CPLANE1: variants seen among roughly 807,000 people sequenced by gnomAD.
CPLANE1 encodes ciliogenesis and planar polarity effector 1.
In CPLANE1, 263 loss-of-function variants were observed where a neutral mutation model predicts 362.5. The ratio of observed to expected loss-of-function variants is 0.73; its 90% CI spans 0.66 to 0.80. The LOEUF (loss-of-function observed/expected upper bound fraction) is 0.80, where lower values mean the gene tolerates loss of function less well. CPLANE1 is among the 30% of genes least tolerant of loss of function. CPLANE1 has a pLI of 0.00. For missense variants in CPLANE1, 3,461 were observed against 3,793.4 expected (o/e 0.91, Z 2.30); for synonymous variants, 1,212 against 1,302.6 (o/e 0.93, Z 1.50).
chr5:37,225,244 G>T (rs2150409821), intron 12 of CPLANE1, among the ~76,000 whole-genome samples: 1 of 151,750 alleles, frequency 6.6e-6, no homozygotes, highest in Admixed American at 6.6e-5. Flanking sequence ...TGGGACCACA[G>T]GTGCACCACA....
chr5:37,142,070 A>G (rs1354781258), intron 44 of CPLANE1: 9 of 936,104 alleles, frequency 9.6e-6, no homozygotes, highest in Non-Finnish European at 1.1e-5. Flanking sequence ...CAGTTGCTAT[A>G]TATTTCATAT....
intron 29 of CPLANE1, 65 bp from the exon 30 acceptor site, chr5:37,177,765 A>ATT (rs1014428830): frequency 1.6e-6 from 2 of 1,260,594 alleles, no homozygotes; most frequent in African/African-American, 3.0e-5. Flanking sequence ...TGTCTTGAGT[A>ATT]TTTTGAGTCT....
At chr5:37,175,572 T>C (rs1020977604) in intron 31 of CPLANE1, among the ~76,000 whole-genome samples, 1 of 152,218 alleles carries the variant, frequency 6.6e-6, no homozygotes, top group Non-Finnish European at 1.5e-5. Flanking sequence ...GTGAGAGAAT[T>C]AAAAGCATTT....
intron 44 of CPLANE1, chr5:37,141,552 T>G: frequency 2.1e-6 from 2 of 974,660 alleles, no homozygotes; most frequent in Non-Finnish European, 2.4e-6. Flanking sequence ...GGTTTTCTTT[T>G]ATTTAAGTAA....
At chr5:37,123,694 C>T (rs1259364813) in intron 47 of CPLANE1, among the ~76,000 whole-genome samples, 1 of 152,034 alleles carries the variant, frequency 6.6e-6, no homozygotes, top group Non-Finnish European at 1.5e-5. Context: ...TTTTCATTTT[C>T]TTATTTTTTT....
chr5:37,210,355 G>A (rs553855749), intron 16 of CPLANE1: 44 of 1,151,048 alleles, frequency 3.8e-5, no homozygotes, highest in African/African-American at 2.6e-4. Context: ...CTTAGGAGAC[G>A]GGAGCAGAAT....
chr5:37,156,941 G>T lies in CPLANE1; in HGVS notation c.8119+372C>A, dbSNP rs969241342. Among the ~76,000 whole-genome samples, 3 of 152,124 alleles carry T rather than the reference G, an allele frequency of 2.0e-5. No individual in the cohort carries two copies. In the East Asian group the frequency reaches 5.8e-4, roughly 29 times the overall value. On this transcript the variant is annotated intron_variant, in intron 41 of 52. Transcript: ENST00000651892. ...CATGTGTCCCGAATTTGAAATAAAA[G>T]TTGGGAAAAAAAGTACTGTTGGCTA...
chr5:37,127,641 C>T (rs185567829), intron 46 of CPLANE1, among the ~76,000 whole-genome samples: 68 of 150,914 alleles, frequency 4.5e-4, no homozygotes, highest in African/African-American at 1.6e-3. Flanking sequence ...GCCTCAGCCT[C>T]CCGAGTAGCT....
chr5:37,088,731 T>C, the CPLANE1 span, among the ~76,000 whole-genome samples: 11 of 152,232 alleles, frequency 7.2e-5, no homozygotes, highest in African/African-American at 2.2e-4. Flanking sequence ...AGCACAGGAC[T>C]GGACTTACTC....
chr5:37,209,391 G>A lies in CPLANE1; in HGVS notation c.2921-2966C>T, dbSNP rs1791943378. Reference sequence around the variant, plus strand: ...GATGGCTCAGTCCAACATGCTCCCCGTGGCTGATGTGTTGAGTCAAAATGA... The same window carrying A: ...GATGGCTCAGTCCAACATGCTCCCCATGGCTGATGTGTTGAGTCAAAATGA... On this transcript the variant is annotated intron_variant, in intron 16 of 52. Coordinates refer to ENST00000651892, the MANE Select transcript of CPLANE1 (RefSeq NM_001384732.1). This position sits in a 1 kb window ranked among gnomAD's most constrained non-coding sequence, Gnocchi z 4.6. The A allele has an allele frequency of 8.3e-7, 1 of 1,208,596 alleles. No homozygotes were observed. The highest frequency in any genetic ancestry group is 1.2e-5 in the South Asian group (1 of 83,080). 74.9% of individuals were successfully genotyped at this position (1,208,596 alleles called of 1,614,324 possible).
chr5:37,078,715 A>G, the CPLANE1 span, among the ~76,000 whole-genome samples: 1 of 142,862 alleles, frequency 7.0e-6, no homozygotes, highest in African/African-American at 2.5e-5. Flanking sequence ...AGCATCTGTT[A>G]TTTTTTTTTT....
In CPLANE1 at chr5:37,125,372, C is replaced by A. The variant is rs761880579; in HGVS notation, c.8830G>T (p.Asp2944Tyr). ...HYSGRHSQRT[D>Y]KERREIQAWM... ...GCTTGAATCTCTCTTCTTTCCTTGT[C>A]AGTTCTTTGTGAATGTCTGCCAGAA... The change falls in exon 47 of 53, where the codon GAC becomes TAC. Residue 2944 changes from aspartate (D) to tyrosine (Y), a missense_variant. Physicochemically the swap from Asp to Tyr is radical, Grantham distance 160. This residue lies in a region of CPLANE1 where 3,380 missense variants were observed against 3,666.1 expected (regional missense o/e 0.92). Transcript: ENST00000651892. 1.2e-6 allele frequency: 2 copies of A among 1,613,478 alleles called. No individual in the cohort carries two copies. The highest frequency in any genetic ancestry group is 1.7e-5 in the Admixed American group (1 of 59,926).
In CPLANE1 at chr5:37,165,660, C is replaced by T; in HGVS notation, c.7412G>A (p.Arg2471Lys). 1.9e-6 allele frequency: 3 copies of T among 1,606,526 alleles called. No homozygotes were observed. The highest frequency in any genetic ancestry group is 2.5e-6 in the Non-Finnish European group (3 of 1,178,458). The change falls in exon 36 of 53, where the codon AGA becomes AAA. Residue 2471 changes from arginine (R) to lysine (K), a missense_variant. Transcript: ENST00000651892. Reference protein sequence around the residue: ...GKDSKKRQRRRAEKELQEKRC... With the variant: ...GKDSKKRQRRKAEKELQEKRC... Reference sequence around the variant, plus strand: ...TTTTTCTTGCAGCTCTTTCTCAGCTCTTCTTCTTTGCCTGTTAAACATAAT... The same window carrying T: ...TTTTTCTTGCAGCTCTTTCTCAGCTTTTCTTCTTTGCCTGTTAAACATAAT...
At chr5:37,231,308 C>T (rs1245813016) in intron 8 of CPLANE1, among the ~76,000 whole-genome samples, 1 of 152,080 alleles carries the variant, frequency 6.6e-6, no homozygotes, top group African/African-American at 2.4e-5. Flanking sequence ...GGCCAGGCAC[C>T]GTGGCTCAAG....
At position 37,244,582 on chromosome 5, in the gene CPLANE1, A is replaced by G; in HGVS notation, c.363T>C (p.Tyr121=). ...TVASSLRLYL[Y]VSGNGKRIVL... Reference sequence around the variant, plus strand: ...CAATTCTTTTCCCATTTCCAGATACATACAAGTACAGTCTCAAAGAGCTTG... The same window carrying G: ...CAATTCTTTTCCCATTTCCAGATACGTACAAGTACAGTCTCAAAGAGCTTG... Residue 121 remains tyrosine, a synonymous_variant, in exon 5 of 53, where the codon TAT becomes TAC. Transcript: ENST00000651892. The G allele has an allele frequency of 6.4e-7, 1 of 1,550,962 alleles. No individual in the cohort carries two copies. Among genetic ancestry groups the G allele is most frequent in the Non-Finnish European group, 8.7e-7 (1 of 1,146,654 alleles).
the CPLANE1 span, among the ~76,000 whole-genome samples, chr5:37,093,508 T>G: frequency 6.6e-6 from 1 of 152,146 alleles, no homozygotes; most frequent in Admixed American, 6.5e-5. Context: ...ACACTATAGA[T>G]CTACACACCC....
Position 37,125,251 on chromosome 5 carries a change from C to G in CPLANE1, c.8951G>C (p.Ser2984Thr), listed in dbSNP as rs1436064006. Residue 2984 changes from serine to threonine, a missense_variant, in exon 47 of 53, where the codon AGC (serine) becomes ACC (threonine). Ser to Thr is a moderately conservative substitution (Grantham distance 58, BLOSUM62 1). Transcript: ENST00000651892. ...GQEHDPFCPRSNPLYMTSREI... is the reference protein window; with the variant it reads ...GQEHDPFCPRTNPLYMTSREI... Reference sequence around the variant, plus strand: ...TTGACATGGCAGACTTACTGGATTGCTTCTGGGACAGAAAGGATCATGTTC... The same window carrying G: ...TTGACATGGCAGACTTACTGGATTGGTTCTGGGACAGAAAGGATCATGTTC... 1 of 1,613,016 alleles carries G rather than the reference C, an allele frequency of 6.2e-7. No individual in the cohort carries two copies. The highest frequency in any genetic ancestry group is 1.1e-5 in the South Asian group (1 of 90,846).
chr5:37,222,638 A>T (rs200810752), intron 14 of CPLANE1, among the ~76,000 whole-genome samples: 2 of 152,220 alleles, frequency 1.3e-5, no homozygotes, highest in Non-Finnish European at 2.9e-5. Context: ...AATGGAACTC[A>T]TTACAAAAAC....
At chr5:37,156,859 G>A (rs1040292901) in intron 41 of CPLANE1, among the ~76,000 whole-genome samples, 2 of 152,072 alleles carry the variant, frequency 1.3e-5, no homozygotes, top group African/African-American at 2.4e-5. Flanking sequence ...TGGGTGATGC[G>A]TCCAATCATA....
Sources: allele counts gnomAD v4.1 joint callset (sites outside exome capture counted in the v4.1 genomes callset), GRCh38; gene constraint gnomAD v4.1.1; regional missense constraint gnomAD v4.1.1; non-coding constraint Gnocchi (gnomAD v3.1); transcripts MANE v1.5; gene names NCBI Gene and HGNC (gene_info 2026-07-23, HGNC 2026-07-21).